S1PR5: variants seen among roughly 807,000 people sequenced by gnomAD.
S1PR5 encodes the protein sphingosine 1-phosphate receptor 5.
For missense variants in S1PR5, 583 were observed against 571.7 expected (o/e 1.02, Z -0.20); for synonymous variants, 307 against 284.7 (o/e 1.08, Z -0.79).
rs1735420245 is a variant in S1PR5, at chr19:10,514,296, C to T, written c.716G>A (p.Arg239Gln). The change falls in exon 2 of 2, where the codon CGG (arginine) becomes CAG (glutamine). Residue 239 changes from arginine (R) to glutamine (Q), a missense_variant. By Grantham distance (43) the Arg-to-Gln change is conservative. Coordinates refer to ENST00000333430, the MANE Select transcript of S1PR5 (RefSeq NM_030760.5). The part of the protein sequence containing the change: ...RPGTAGTTST[R>Q]ARRKPRSLAL... ...CAGCGAGCGCGGCTTGCGACGCGCC[C>T]GGGTCGAGGTGGTCCCCGCAGTCCC... 1.9e-6 allele frequency: 3 copies of T among 1,567,900 alleles called. No homozygotes were observed. Among genetic ancestry groups the T allele is most frequent in the South Asian group, 2.3e-5 (2 of 86,514 alleles).
In S1PR5 at chr19:10,514,443, G is replaced by A; in HGVS notation, c.569C>T (p.Ala190Val). ...CACGCAGAAGAGCACGTAGGCCTTG[G>A]CGTAGAGCGGCAAGACAGTGGAGCA... The part of the protein sequence containing the change: ...DACSTVLPLY[A>V]KAYVLFCVLA... The change falls in exon 2 of 2, where the codon GCC (alanine) becomes GTC (valine). Residue 190 changes from alanine to valine, a missense_variant. Ala to Val is a moderately conservative substitution (Grantham distance 64). Transcript: ENST00000333430. 6.2e-7 allele frequency: 1 copy of A among 1,609,638 alleles called. No individual in the cohort carries two copies. Among genetic ancestry groups the A allele is most frequent in the Non-Finnish European group, 8.5e-7 (1 of 1,178,474 alleles).
chr19:10,516,611 A>C (rs1406007492), intron 1 of S1PR5, among the ~76,000 whole-genome samples: 1 of 145,332 alleles, frequency 6.9e-6, no homozygotes, highest in South Asian at 2.1e-4. Flanking sequence ...CCGTCTCAAA[A>C]AAAAAAAAAA....
In S1PR5 at chr19:10,514,503, G is replaced by T. The variant is rs760375659; in HGVS notation, c.509C>A (p.Ala170Glu). 4.4e-5 allele frequency: 71 copies of T among 1,599,710 alleles called. No individual in the cohort carries two copies. The highest frequency in any genetic ancestry group is 1.0e-4 in the South Asian group (9 of 89,146). ...GVSLLLGLLP[A>E]LGWNCLGRLD... ...GCGACCCAGGCAATTCCAGCCCAGCGCTGGCAGGAGCCCGAGGAGCAGCGA... is the reference window on the plus strand; with the variant it reads ...GCGACCCAGGCAATTCCAGCCCAGCTCTGGCAGGAGCCCGAGGAGCAGCGA... Residue 170 changes from alanine (A) to glutamate (E), a missense_variant, in exon 2 of 2, where the codon GCG becomes GAG. By Grantham distance (107) the Ala-to-Glu change is moderately radical (BLOSUM62 -1). Transcript: ENST00000333430.
chr19:10,514,102 T>C lies in S1PR5; in HGVS notation c.910A>G (p.Ile304Val). ...LAMANSLLNP[I>V]IYTLTNRDLR... ...TCGCGGTTGGTGAGCGTGTAGATGATGGGGTTCAGAAGTGAGTTGGCCATG... is the reference window on the plus strand; with the variant it reads ...TCGCGGTTGGTGAGCGTGTAGATGACGGGGTTCAGAAGTGAGTTGGCCATG... The change falls in exon 2 of 2, where the codon ATC becomes GTC. Residue 304 changes from isoleucine to valine, a missense_variant. Ile to Val is a conservative substitution (Grantham distance 29). Transcript: ENST00000333430. 6.2e-7 allele frequency: 1 copy of C among 1,612,412 alleles called. No individual in the cohort carries two copies. Among genetic ancestry groups the C allele is most frequent in the Non-Finnish European group, 8.5e-7 (1 of 1,179,608 alleles).
Position 10,513,948 on chromosome 19 carries a change from C to A in S1PR5, c.1064G>T (p.Gly355Val), listed in dbSNP as rs1395452332. The A allele has an allele frequency of 6.2e-7, 1 of 1,601,682 alleles. No homozygotes were observed. Among genetic ancestry groups the A allele is most frequent in the Non-Finnish European group, 8.5e-7 (1 of 1,175,178 alleles). The change falls in exon 2 of 2, where the codon GGC (glycine) becomes GTC (valine). Residue 355 changes from glycine to valine, a missense_variant. Gly to Val is a moderately radical substitution (Grantham distance 109, BLOSUM62 -3). Coordinates refer to ENST00000333430, the MANE Select transcript of S1PR5 (RefSeq NM_030760.5). ...SGGLRRCLPP[G>V]LDGSFSGSER... ...CGAGCCGCTGAAGCTCCCATCAAGG[C>A]CCGGGGGCAGGCAGCGGCGCAGGCC...
chr19:10,516,297 CA>C (rs1166756078), intron 1 of S1PR5, among the ~76,000 whole-genome samples: 1 of 152,086 alleles, frequency 6.6e-6, no homozygotes, highest in Non-Finnish European at 1.5e-5. Context: ...CTCATCCACC[CA>C]AAACCCCATG....
In S1PR5 at chr19:10,513,656, G is replaced by T; in HGVS notation, c.*159C>A. 9.6e-7 allele frequency: 1 copy of T among 1,044,372 alleles called. No homozygotes were observed. Among genetic ancestry groups the T allele is most frequent in the Non-Finnish European group, 1.4e-6 (1 of 736,492 alleles). 64.7% of individuals were successfully genotyped at this position (1,044,372 alleles called of 1,614,324 possible). A position where few individuals can be genotyped will look rare whatever the true frequency, so the allele number is the denominator to read the frequency against. On this transcript the variant is annotated 3_prime_UTR_variant, in exon 2 of 2. Coordinates refer to ENST00000333430, the MANE Select transcript of S1PR5 (RefSeq NM_030760.5). ...AGAACGTCAATTCCACGAGGGCACA[G>T]ATTTTTTGTCTGTTTGTTCACATTG...
In S1PR5 at chr19:10,514,878, G is replaced by A. The variant is rs1299760541; in HGVS notation, c.134C>T (p.Ala45Val). 1 of 1,612,280 alleles carries A rather than the reference G, an allele frequency of 6.2e-7. No individual in the cohort carries two copies. The highest frequency in any genetic ancestry group is 8.5e-7 in the Non-Finnish European group (1 of 1,179,380). ...GLRADAVVCLAVCAFIVLENL... is the reference protein window; with the variant it reads ...GLRADAVVCLVVCAFIVLENL... ...CTCTAGCACGATGAAGGCGCACACC[G>A]CCAGGCACACCACGGCGTCGGCGCG... Residue 45 changes from alanine (A) to valine (V), a missense_variant, in exon 2 of 2, where the codon GCG becomes GTG. Physicochemically the swap from Ala to Val is moderately conservative, Grantham distance 64 (BLOSUM62 0). Coordinates refer to ENST00000333430, the MANE Select transcript of S1PR5 (RefSeq NM_030760.5).
Position 10,514,445 on chromosome 19 carries a change from G to A in S1PR5, c.567C>T (p.Tyr189=), listed in dbSNP as rs34803021. 4,430 of 1,609,504 alleles carry A rather than the reference G, an allele frequency of 2.8e-3. 94 individuals are homozygous for A. The African/African-American group carries it at 0.051, about 19-fold the overall frequency. Residue 189 remains tyrosine (Y), a synonymous_variant, in exon 2 of 2, where the codon TAC becomes TAT. Transcript: ENST00000333430. ...LDACSTVLPL[Y]AKAYVLFCVL... ...CGCAGAAGAGCACGTAGGCCTTGGCGTAGAGCGGCAAGACAGTGGAGCAAG... is the reference window on the plus strand; with the variant it reads ...CGCAGAAGAGCACGTAGGCCTTGGCATAGAGCGGCAAGACAGTGGAGCAAG...
chr19:10,514,590 C>G lies in S1PR5; in HGVS notation c.422G>C (p.Gly141Ala), dbSNP rs768343025. 13 of 1,577,120 alleles carry G rather than the reference C, an allele frequency of 8.2e-6. No individual in the cohort carries two copies. The highest frequency in any genetic ancestry group is 1.1e-5 in the Non-Finnish European group (13 of 1,163,714). ...CCCCCGACTGGAGACGGGCGCGGGC[C>G]CCCTGCGCGCCATGGTGAGGCTGCG... is the stretch of plus-strand genomic sequence containing the variant. ...LERSLTMARR[G>A]PAPVSSRGRT... The change falls in exon 2 of 2, where the codon GGG becomes GCG. Residue 141 changes from glycine (G) to alanine (A), a missense_variant. By Grantham distance (60) the Gly-to-Ala change is moderately conservative. Coordinates refer to ENST00000333430, the MANE Select transcript of S1PR5 (RefSeq NM_030760.5).
Position 10,514,570 on chromosome 19 carries a change from G to A in S1PR5, c.442C>T (p.Arg148Trp), listed in dbSNP as rs778647122. The A allele has an allele frequency of 6.3e-7, 1 of 1,577,586 alleles. No homozygotes were observed. Among genetic ancestry groups the A allele is most frequent in the South Asian group, 1.1e-5 (1 of 87,378 alleles). Residue 148 changes from arginine (R) to tryptophan (W), a missense_variant, in exon 2 of 2, where the codon CGG becomes TGG. Coordinates refer to ENST00000333430, the MANE Select transcript of S1PR5 (RefSeq NM_030760.5). ...ARRGPAPVSS[R>W]GRTLAMAAAA... ...GCTGCCATCGCCAGCGTGCGCCCCC[G>A]ACTGGAGACGGGCGCGGGCCCCCTG...
chr19:10,516,607 CAAAA>C (rs113615794), intron 1 of S1PR5, among the ~76,000 whole-genome samples: 2 of 91,792 alleles, frequency 2.2e-5, no homozygotes, highest in East Asian at 3.4e-4. Context: ...AACTCCGTCT[CAAAA>C]AAAAAAAAAA....
chr19:10,513,872 G>T lies in S1PR5; in HGVS notation c.1140C>A (p.Gly380=). ...GGGCGGCTGTGGGTGCACCGGGGCTGCCTGTGGAGCCGCTGGTGTCCAGCC... is the reference window on the plus strand; with the variant it reads ...GGGCGGCTGTGGGTGCACCGGGGCTTCCTGTGGAGCCGCTGGTGTCCAGCC... ...RDGLDTSGST[G]SPGAPTAART... Residue 380 remains glycine, a synonymous_variant, in exon 2 of 2, where the codon GGC becomes GGA. Coordinates refer to ENST00000333430, the MANE Select transcript of S1PR5 (RefSeq NM_030760.5). 1 of 1,611,672 alleles carries T rather than the reference G, an allele frequency of 6.2e-7. No individual in the cohort carries two copies. The highest frequency in any genetic ancestry group is 1.1e-5 in the South Asian group (1 of 91,020).
At position 10,514,414 on chromosome 19, in the gene S1PR5, C is replaced by G. The variant is rs374944848; in HGVS notation, c.598G>C (p.Ala200Pro). 3 of 1,609,200 alleles carry G rather than the reference C, an allele frequency of 1.9e-6. No homozygotes were observed. The highest frequency in any genetic ancestry group is 2.2e-5 in the East Asian group (1 of 44,722). The change falls in exon 2 of 2, where the codon GCC becomes CCC. Residue 200 changes from alanine to proline, a missense_variant. By Grantham distance (27) the Ala-to-Pro change is conservative (BLOSUM62 -1). Transcript: ENST00000333430. ...ATAGCGGCCAGGATGCCCACGAAGG[C>G]GAGCACGCAGAAGAGCACGTAGGCC... ...AKAYVLFCVL[A>P]FVGILAAICA...
At position 10,513,992 on chromosome 19, in the gene S1PR5, G is replaced by A. The variant is rs752564891; in HGVS notation, c.1020C>T (p.Ser340=). ...GCAGGCCCCCGGAAGCCTCAGCCGC[G>A]CTCGCCGACTGCTGGGAGCCACTCG... ...RDPSGSQQSA[S]AAEASGGLRR... The change falls in exon 2 of 2, where the codon AGC becomes AGT. Residue 340 remains serine (S), a synonymous_variant. Transcript: ENST00000333430. 9.4e-6 allele frequency: 15 copies of A among 1,601,574 alleles called. No homozygotes were observed. Among genetic ancestry groups the A allele is most frequent in the Admixed American group, 1.7e-5 (1 of 58,364 alleles).
In S1PR5 at chr19:10,513,971, G is replaced by A. The variant is rs1251268559; in HGVS notation, c.1041C>T (p.Gly347=). ...GGCCCGGGGGCAGGCAGCGGCGCAGGCCCCCGGAAGCCTCAGCCGCGCTCG... is the reference window on the plus strand; with the variant it reads ...GGCCCGGGGGCAGGCAGCGGCGCAGACCCCCGGAAGCCTCAGCCGCGCTCG... The part of the protein sequence containing the change: ...QSASAAEASG[G]LRRCLPPGLD... Residue 347 remains glycine (G), a synonymous_variant, in exon 2 of 2, where the codon GGC becomes GGT. Transcript: ENST00000333430. 1.9e-6 allele frequency: 3 copies of A among 1,598,538 alleles called. No individual in the cohort carries two copies. The South Asian group carries it at 3.3e-5, about 18-fold the overall frequency.
chr19:10,517,610 C>A, upstream of S1PR5: 2 of 985,368 alleles, frequency 2.0e-6, no homozygotes, highest in Non-Finnish European at 2.4e-6. Flanking sequence ...CCGGAGCGCG[C>A]CCCGGCGGCG....
chr19:10,515,853 G>A (rs550566044), intron 1 of S1PR5, among the ~76,000 whole-genome samples: 1 of 151,890 alleles, frequency 6.6e-6, no homozygotes, highest in Non-Finnish European at 1.5e-5. Context: ...ACTTGAGCCC[G>A]CGGGGTCAAG....
Position 10,514,200 on chromosome 19 carries a change from A to T in S1PR5, c.812T>A (p.Leu271Gln). The change falls in exon 2 of 2, where the codon CTG (leucine) becomes CAG (glutamine). Residue 271 changes from leucine (L) to glutamine (Q), a missense_variant. By Grantham distance (113) the Leu-to-Gln change is moderately radical. Coordinates refer to ENST00000333430, the MANE Select transcript of S1PR5 (RefSeq NM_030760.5). Reference protein sequence around the residue: ...VACWGPLFLLLLLDVACPART... With the variant: ...VACWGPLFLLQLLDVACPART... ...CGCCGGGCACGCCACGTCGAGCAAC[A>T]GCAGCAGGAAGAGGGGGCCCCAACA... 2 of 1,611,902 alleles carry T rather than the reference A, an allele frequency of 1.2e-6. No homozygotes were observed. The highest frequency in any genetic ancestry group is 1.7e-6 in the Non-Finnish European group (2 of 1,179,412).
Sources: allele counts gnomAD v4.1 joint callset (sites outside exome capture counted in the v4.1 genomes callset), GRCh38; gene constraint gnomAD v4.1.1; transcripts MANE v1.5; gene names NCBI Gene and HGNC (gene_info 2026-07-23, HGNC 2026-07-21).